ARHGAP12: variants seen among roughly 807,000 people sequenced by gnomAD.
ARHGAP12 encodes rho GTPase-activating protein 12.
In ARHGAP12, 64 loss-of-function variants were observed where a neutral mutation model predicts 108.6. The observed-to-expected ratio is 0.59, with a 90% CI of 0.48 to 0.73. The LOEUF (loss-of-function observed/expected upper bound fraction) is 0.73. Among genes scored for constraint, ARHGAP12 ranks in the 30% least tolerant of loss-of-function variants. ARHGAP12 has a pLI of 0.00. For synonymous variants in ARHGAP12, 312 were observed against 337.2 expected (o/e 0.93, Z 0.82); for missense variants, 940 against 1,005.9 (o/e 0.93, Z 0.89).
intron 15 of ARHGAP12, among the ~76,000 whole-genome samples, chr10:31,811,651 A>C (rs748554129): frequency 7.0e-6 from 1 of 143,808 alleles, no homozygotes; most frequent in Non-Finnish European, 1.5e-5. Flanking sequence ...TCTTCCTAGA[A>C]GTCTTAAATA....
chr10:31,809,370 A>G (rs1834933527), intron 16 of ARHGAP12, 63 bp from the exon 17 acceptor site: 2 of 1,432,260 alleles, frequency 1.4e-6, no homozygotes, highest in African/African-American at 1.4e-5. Flanking sequence ...TCTTCTGAAC[A>G]CGTTTGCATG....
At chr10:31,814,107 A>C (rs898304921) in intron 14 of ARHGAP12, 152 bp downstream of exon 14, 12 of 633,272 alleles carry the variant, frequency 1.9e-5, no homozygotes, top group African/African-American at 1.7e-4. Context: ...AAGAAGAAAG[A>C]GCGCTGACAC....
Position 31,812,719 on chromosome 10 carries a change from CT to C in ARHGAP12, c.1938del (p.Gly647ValfsTer27). 2.5e-6 allele frequency: 4 copies of C among 1,601,534 alleles called. No individual in the cohort carries two copies. Among genetic ancestry groups the C allele is most frequent in the Admixed American group, 1.7e-5 (1 of 59,220 alleles). ...RRPTLQAVREKGYIKDQVFGS... is the reference protein window; with the variant it reads ...RRPTLQAVREXGYIKDQVFGS... ...TTCTCCTACCAACCTTTAATATAAC[CT>C]TTTTCACGAACAGCTTGCAAAGTGG... On this transcript the variant is annotated frameshift_variant, in exon 15 of 20. Transcript: ENST00000344936. LOFTEE classifies it high-confidence loss of function.
chr10:31,827,618 C>T lies in ARHGAP12; in HGVS notation c.1449-1233G>A, dbSNP rs969338953. ...CATCCTGGCTAACATGGTGAAACCT[C>T]GTCTCTACTAAAAATACAAAAAATT... On this transcript the variant is annotated intron_variant, in intron 10 of 19. Coordinates refer to ENST00000344936, the MANE Select transcript of ARHGAP12 (RefSeq NM_018287.7). Among the ~76,000 whole-genome samples, 7 of 152,000 alleles carry T rather than the reference C, an allele frequency of 4.6e-5. 1 individual carries two copies. The highest frequency in any genetic ancestry group is 1.3e-4 in the Admixed American group (2 of 15,256).
chr10:31,846,236 A>G (rs1472259888), intron 6 of ARHGAP12, among the ~76,000 whole-genome samples: 1 of 152,192 alleles, frequency 6.6e-6, no homozygotes, highest in Non-Finnish European at 1.5e-5. Flanking sequence ...CAGGAATGTT[A>G]TAATTTTTGT....
chr10:31,883,299 A>G (rs1024526014), intron 3 of ARHGAP12, among the ~76,000 whole-genome samples: 1 of 152,224 alleles, frequency 6.6e-6, no homozygotes, highest in Admixed American at 6.5e-5. Flanking sequence ...CCATTTCAAA[A>G]AAAAAGAAAT....
rs549708142 is a variant in ARHGAP12 at position 31,832,907 on chromosome 10, G to A, written c.1387-1107C>T. On this transcript the variant is annotated intron_variant, in intron 9 of 19. Coordinates refer to ENST00000344936, the MANE Select transcript of ARHGAP12 (RefSeq NM_018287.7). ...CATTTTTGGTATACTGGGGACTTGGGAAATAGCCCATATGAAGTTTTATTG... is the reference window on the plus strand; with the variant it reads ...CATTTTTGGTATACTGGGGACTTGGAAAATAGCCCATATGAAGTTTTATTG... 2.2e-3 allele frequency among the ~76,000 whole-genome samples: 334 copies of A among 152,226 alleles called. 2 individuals carry two copies. Among genetic ancestry groups the A allele is most frequent in the Middle Eastern group, 6.8e-3 (2 of 294 alleles).
At chr10:31,912,332 A>C (rs1230838466) in intron 1 of ARHGAP12, among the ~76,000 whole-genome samples, 2 of 152,196 alleles carry the variant, frequency 1.3e-5, no homozygotes, top group Non-Finnish European at 2.9e-5. Flanking sequence ...ATTTATCCCT[A>C]AGAATGGAGA....
At chr10:31,858,591 C>CAGT (rs906220892) in intron 4 of ARHGAP12, among the ~76,000 whole-genome samples, 5 of 152,124 alleles carry the variant, frequency 3.3e-5, no homozygotes, top group Admixed American at 1.3e-4. Flanking sequence ...CACTAGAGAT[C>CAGT]AGTAGCACGT....
intron 15 of ARHGAP12, among the ~76,000 whole-genome samples, chr10:31,812,111 T>C (rs552725677): frequency 9.2e-5 from 14 of 152,328 alleles, no homozygotes; most frequent in African/African-American, 2.9e-4. Context: ...ATAAATGCCA[T>C]TGTTTTAAGT....
intron 6 of ARHGAP12, among the ~76,000 whole-genome samples, chr10:31,848,266 A>G (rs541482522): frequency 6.6e-5 from 10 of 152,296 alleles, no homozygotes; most frequent in African/African-American, 2.2e-4. Flanking sequence ...GGTGCCATCT[A>G]CTGCAGTAGG....
intron 3 of ARHGAP12, among the ~76,000 whole-genome samples, chr10:31,871,834 G>C (rs939699889): frequency 6.6e-6 from 1 of 152,218 alleles, no homozygotes; most frequent in Non-Finnish European, 1.5e-5. Context: ...AGCACATAGA[G>C]AGTCATGGGA....
chr10:31,810,796 T>C (rs1424763078), intron 15 of ARHGAP12, 49 bp from the exon 16 acceptor site: 13 of 1,409,196 alleles, frequency 9.2e-6, no homozygotes, highest in Non-Finnish European at 1.3e-5. Context: ...TGAAATTCAG[T>C]TCATGAAATG....
chr10:31,886,226 C>A (rs1838183853), intron 3 of ARHGAP12, among the ~76,000 whole-genome samples: 1 of 152,156 alleles, frequency 6.6e-6, no homozygotes, highest in South Asian at 2.1e-4. Context: ...GCAAATTCTT[C>A]TCTAGAAAGA....
chr10:31,877,689 A>C (rs2132354172), intron 3 of ARHGAP12, among the ~76,000 whole-genome samples: 1 of 152,382 alleles, frequency 6.6e-6, no homozygotes, highest in African/African-American at 2.4e-5. Context: ...GTGTTTTAGC[A>C]ATACCATCCA....
intron 10 of ARHGAP12, among the ~76,000 whole-genome samples, chr10:31,827,739 C>T (rs541804715): frequency 4.0e-5 from 6 of 150,940 alleles, no homozygotes; most frequent in East Asian, 3.9e-4. Context: ...TGCAGTGAGC[C>T]GAGATTGCAC....
chr10:31,848,412 G>A lies in ARHGAP12; in HGVS notation c.1170+4105C>T, dbSNP rs1836543702. Among the ~76,000 whole-genome samples the A allele has an allele frequency of 1.3e-5, 2 of 152,178 alleles. 1 individual carries two copies. The highest frequency in any genetic ancestry group is 4.1e-4 in the South Asian group (2 of 4,838). On this transcript the variant is annotated intron_variant, in intron 6 of 19. Coordinates refer to ENST00000344936, the MANE Select transcript of ARHGAP12 (RefSeq NM_018287.7). ...CAAAGCATATTTTCTAAAGACTCATGTCTTCCTTCAATTTTAGAAAATTCC... is the reference window on the plus strand; with the variant it reads ...CAAAGCATATTTTCTAAAGACTCATATCTTCCTTCAATTTTAGAAAATTCC...
At chr10:31,852,399 A>G in intron 6 of ARHGAP12, 118 bp downstream of exon 6, 2 of 886,066 alleles carry the variant, frequency 2.3e-6, no homozygotes, top group Non-Finnish European at 3.7e-6. Context: ...AATTCTGAAA[A>G]AATTATTCTA....
intron 3 of ARHGAP12, among the ~76,000 whole-genome samples, chr10:31,882,505 ACTATGAG>A (rs1262021766): frequency 4.6e-5 from 7 of 152,156 alleles, no homozygotes; most frequent in Admixed American, 3.9e-4. Context: ...AATGCACAAA[ACTATGAG>A]CTCTTTAAGA....
Sources: allele counts gnomAD v4.1 joint callset (sites outside exome capture counted in the v4.1 genomes callset), GRCh38; gene constraint gnomAD v4.1.1; transcripts MANE v1.5; gene names NCBI Gene and HGNC (gene_info 2026-07-23, HGNC 2026-07-21).